The following IPO11 variants were observed in gnomAD, a reference collection of about 807,000 sequenced individuals.
The protein encoded by IPO11 is importin 11.
Under a neutral mutation model 143.2 loss-of-function variants are expected in IPO11, and 66 were observed. That is an observed-to-expected ratio of 0.46 (90% confidence interval 0.38 to 0.57). The LOEUF (loss-of-function observed/expected upper bound fraction) is 0.57. Among genes scored for constraint, IPO11 ranks in the 20% least tolerant of loss-of-function variants. IPO11 has a pLI of 0.00. For synonymous variants in IPO11, 385 were observed against 377.8 expected, an observed-to-expected ratio of 1.02 and a Z score of -0.22; for missense variants, 1,026 against 1,141.0, an observed-to-expected ratio of 0.90 and a Z score of 1.45.
intron 29 of IPO11, among the ~76,000 whole-genome samples, chr5:62,613,236 C>G (rs1342947654): frequency 1.3e-5 from 2 of 150,930 alleles, no homozygotes; most frequent in Admixed American, 6.6e-5. Flanking sequence ...AAATAAGAGT[C>G]CCATGGTAGA....
Position 62,628,146 on chromosome 5 carries a change from A to G in IPO11, c.*828A>G, listed in dbSNP as rs1746650207. The G allele has an allele frequency of 6.6e-6, 1 of 151,806 alleles. No individual in the cohort carries two copies. Among genetic ancestry groups the G allele is most frequent in the African/African-American group, 2.4e-5 (1 of 41,246 alleles). 9.4% of individuals were successfully genotyped at this position (151,806 alleles called of 1,614,324 possible). The stretch of plus-strand genomic sequence containing the variant: ...GCTGTGACAGTCCCACGTGGCTATG[A>G]CAGACTGTTTAGTACTTACCCTTCT... On this transcript the variant is annotated 3_prime_UTR_variant, in exon 30 of 30. Coordinates refer to ENST00000325324, the MANE Select transcript of IPO11 (RefSeq NM_016338.5).
intron 29 of IPO11, among the ~76,000 whole-genome samples, chr5:62,620,235 C>T (rs1251189148): frequency 6.6e-6 from 1 of 151,916 alleles, no homozygotes; most frequent in Non-Finnish European, 1.5e-5. Context: ...TTAAGAAATA[C>T]AGGGCTGGGC....
chr5:62,508,555 CTTCT>C (rs1462473333), intron 19 of IPO11, among the ~76,000 whole-genome samples: 1 of 151,650 alleles, frequency 6.6e-6, no homozygotes, highest in Non-Finnish European at 1.5e-5. Flanking sequence ...TTCTTTCTTT[CTTCT>C]TTCTTCTTCT....
intron 27 of IPO11, among the ~76,000 whole-genome samples, chr5:62,569,364 G>A (rs913880401): frequency 2.0e-5 from 3 of 152,256 alleles, no homozygotes; most frequent in East Asian, 1.9e-4. Context: ...GGTTTCTTTA[G>A]CTCTTGTGAA....
intron 11 of IPO11, among the ~76,000 whole-genome samples, chr5:62,484,550 GT>G (rs1297285419): frequency 1.0e-3 from 140 of 133,914 alleles, no homozygotes; most frequent in Admixed American, 2.1e-3. Flanking sequence ...TTGATGAATA[GT>G]TTTTTTTTTT....
chr5:62,422,939 G>A (rs1347340936), intron 1 of IPO11, among the ~76,000 whole-genome samples: 1 of 152,056 alleles, frequency 6.6e-6, no homozygotes, highest in South Asian at 2.1e-4. Flanking sequence ...CAGGTGTTCA[G>A]TATATATTTA....
chr5:62,543,755 C>T (rs1364852752), intron 24 of IPO11, among the ~76,000 whole-genome samples: 1 of 152,110 alleles, frequency 6.6e-6, no homozygotes, highest in Non-Finnish European at 1.5e-5. Flanking sequence ...TCTTGCTTCT[C>T]TAGTTCTTTT....
chr5:62,484,122 A>C lies in IPO11; in HGVS notation c.1134A>C (p.Glu378Asp). 3 of 1,608,476 alleles carry C rather than the reference A, an allele frequency of 1.9e-6. No homozygotes were observed. The highest frequency in any genetic ancestry group is 2.5e-6 in the Non-Finnish European group (3 of 1,178,422). ...RLVSHYFLLT[E>D]EELTMWEEDP... is the part of the protein sequence containing the mutation. ...TCTCTCATTATTTCCTATTAACTGA[A>C]GAAGAACTGACAATGTGGGAAGAAG... Residue 378 changes from glutamate to aspartate, a missense_variant, in exon 11 of 30, where the codon GAA (glutamate) becomes GAC (aspartate). By Grantham distance (45) the Glu-to-Asp change is conservative (BLOSUM62 2). This residue lies in a region of IPO11 where 429 missense variants were observed against 456.3 expected (regional missense o/e 0.94). Transcript: ENST00000325324.
chr5:62,470,183 C>A, intron 6 of IPO11, 67 bp from the exon 7 acceptor site: 2 of 1,472,328 alleles, frequency 1.4e-6, no homozygotes, highest in South Asian at 1.1e-5. Context: ...AATTCTGAAT[C>A]TTTCTTGTGA....
chr5:62,515,565 T>A, intron 20 of IPO11, 64 bp downstream of exon 20: 1 of 1,041,028 alleles, frequency 9.6e-7, no homozygotes, highest in South Asian at 2.0e-5. Flanking sequence ...TTTAACCATT[T>A]AAAAATTGTT....
At chr5:62,479,945 T>G (rs1046576220) in intron 9 of IPO11, among the ~76,000 whole-genome samples, 2 of 152,226 alleles carry the variant, frequency 1.3e-5, no homozygotes, top group South Asian at 2.1e-4. Flanking sequence ...TTAGTTTAAT[T>G]AGCTCCCATT....
At chr5:62,449,120 AC>A (rs1481653987) in intron 3 of IPO11, among the ~76,000 whole-genome samples, 1 of 152,016 alleles carries the variant, frequency 6.6e-6, no homozygotes, top group East Asian at 1.9e-4. Flanking sequence ...TGCAGCCTTG[AC>A]CTCTTGGGCT....
Position 62,553,204 on chromosome 5 carries a change from G to T in IPO11, c.2460+1868G>T, listed in dbSNP as rs887305535. On this transcript the variant is annotated intron_variant, in intron 26 of 29. Transcript: ENST00000325324. ...AGCTTCTACATGTAAGTGAGAACAC[G>T]TAGTATTTCTCTTTCTGTTCCTGGC... is the stretch of plus-strand genomic sequence containing the variant. Among the ~76,000 whole-genome samples, 3 of 151,970 alleles carry T rather than the reference G, an allele frequency of 2.0e-5. No individual in the cohort carries two copies. The South Asian group carries it at 6.2e-4, about 32-fold the overall frequency.
intron 10 of IPO11, among the ~76,000 whole-genome samples, chr5:62,483,643 A>G (rs1746293081): frequency 6.6e-6 from 1 of 152,160 alleles, no homozygotes; most frequent in Non-Finnish European, 1.5e-5. Context: ...TAGACAGGTT[A>G]AATTGTTGTA....
intron 22 of IPO11, among the ~76,000 whole-genome samples, chr5:62,532,341 G>A (rs1168842326): frequency 6.6e-6 from 1 of 151,836 alleles, no homozygotes; most frequent in Non-Finnish European, 1.5e-5. Flanking sequence ...TTTTTTGTTG[G>A]TGGTGGTTCG....
intron 27 of IPO11, among the ~76,000 whole-genome samples, chr5:62,577,843 G>A (rs1346768485): frequency 1.3e-5 from 2 of 151,908 alleles, no homozygotes; most frequent in East Asian, 3.8e-4. Context: ...AAGGAGAGTT[G>A]TATACAATTA....
Position 62,530,769 on chromosome 5 carries a change from T to C in IPO11, c.2073T>C (p.Asn691=), listed in dbSNP as rs1001442460. 4 of 1,611,052 alleles carry C rather than the reference T, an allele frequency of 2.5e-6. No individual in the cohort carries two copies. Among genetic ancestry groups the C allele is most frequent in the Non-Finnish European group, 3.4e-6 (4 of 1,177,476 alleles). ...ITPELLRIFQ[N]MSPLLELSSE... ...CAGAGTTGCTTCGTATATTTCAGAA[T>C]ATGTCACCACTTCTTGGTATGTGTT... The change falls in exon 22 of 30, where the codon AAT becomes AAC. Residue 691 remains asparagine, a synonymous_variant. Transcript: ENST00000325324.
intron 1 of IPO11, among the ~76,000 whole-genome samples, chr5:62,434,305 TTTTG>T (rs541284057): frequency 7.8e-4 from 118 of 151,890 alleles, no homozygotes; most frequent in Non-Finnish European, 1.3e-3. Context: ...CAGTCTTTTT[TTTTG>T]TTTGTTTGTT....
chr5:62,548,324 T>TAAAGAAAATTAAAG (rs1743277941), intron 24 of IPO11, among the ~76,000 whole-genome samples: 2 of 152,176 alleles, frequency 1.3e-5, no homozygotes, highest in African/African-American at 4.8e-5. Context: ...TTCTGTTACT[T>TAAAGAAAATTAAAG]TAATTTTCTT....
Sources: gnomAD v4.1 joint callset for allele counts (sites outside exome capture counted in the v4.1 genomes callset) on GRCh38, gnomAD v4.1.1 for gene constraint, gnomAD v4.1.1 regional missense constraint, MANE v1.5 for transcripts, NCBI Gene and HGNC (gene_info 2026-07-23, HGNC 2026-07-21) for gene names.